Variants in CNTNAP2 observed in about 807,000 individuals in gnomAD.
CNTNAP2 encodes the protein contactin associated protein 2, also known as contactin-associated protein-like 2.
CNTNAP2 carries 98 observed loss-of-function variants against 155.2 expected under a neutral mutation model. The ratio of observed to expected loss-of-function variants is 0.63; its 90% CI spans 0.54 to 0.75. The LOEUF (loss-of-function observed/expected upper bound fraction) is 0.75, where lower values mean the gene tolerates loss of function less well. CNTNAP2 is among the 30% of genes least tolerant of loss of function. The probability of loss-of-function intolerance (pLI) is 0.00; values close to 1 mark genes in which losing one functional copy is unlikely to be tolerated. For synonymous variants in CNTNAP2, 651 were observed against 631.2 expected, an observed-to-expected ratio of 1.03 and a Z score of -0.47; for missense variants, 1,727 against 1,688.1, an observed-to-expected ratio of 1.02 and a Z score of -0.40.
At chr7:147,599,625 A>G (rs1199802529) in intron 12 of CNTNAP2, among the ~76,000 whole-genome samples, 1 of 152,070 alleles carries the variant, frequency 6.6e-6, no homozygotes, top group East Asian at 1.9e-4. Context: ...GGGGAAAAAA[A>G]TCTTTCCTTG....
At chr7:146,648,503 C>G (rs1563171639) in intron 1 of CNTNAP2, among the ~76,000 whole-genome samples, 3 of 152,006 alleles carry the variant, frequency 2.0e-5, no homozygotes, top group Admixed American at 1.3e-4. Context: ...TGCAATACTT[C>G]TTTAAATGTT....
At chr7:148,199,415 G>T (rs1041433051) in intron 18 of CNTNAP2, among the ~76,000 whole-genome samples, 4 of 152,196 alleles carry the variant, frequency 2.6e-5, no homozygotes, top group Non-Finnish European at 4.4e-5. Flanking sequence ...TTGCTTAGGT[G>T]TATCCAGAGG....
Position 146,557,443 on chromosome 7 carries a change from T to C in CNTNAP2, c.98-216828T>C, listed in dbSNP as rs115708410. 3.9e-3 allele frequency among the ~76,000 whole-genome samples: 591 copies of C among 152,184 alleles called. 12 individuals are homozygous for C. The highest frequency in any genetic ancestry group is 0.014 in the African/African-American group (566 of 41,468). ...ATTCTCTAAGGTCTTTCCAGAAAAG[T>C]TGTGCCTTTATAATTAATTCTATTG... On this transcript the variant is annotated intron_variant, in intron 1 of 23. Transcript: ENST00000361727.
intron 1 of CNTNAP2, among the ~76,000 whole-genome samples, chr7:146,145,101 A>G (rs1251114664): frequency 6.6e-6 from 1 of 152,200 alleles, no homozygotes; most frequent in East Asian, 1.9e-4. Flanking sequence ...TAAATATACA[A>G]AATGTGATCC....
intron 9 of CNTNAP2, among the ~76,000 whole-genome samples, chr7:147,377,586 A>G (rs1187640879): frequency 1.3e-5 from 2 of 151,702 alleles, no homozygotes; most frequent in Non-Finnish European, 2.9e-5. Flanking sequence ...TGTTGGTACT[A>G]AGGTGCTTCT....
In CNTNAP2 at chr7:146,371,365, G is replaced by GTTTTTT. The variant is rs58066282; in HGVS notation, c.97+254408_97+254413dup. 7.2e-3 allele frequency among the ~76,000 whole-genome samples: 706 copies of GTTTTTT among 98,520 alleles called. 63 individuals carry two copies. Among genetic ancestry groups the GTTTTTT allele is most frequent in the African/African-American group, 0.026 (575 of 22,310 alleles). The allele number at this position is 98,520 out of a possible 152,430, so 64.6% of individuals were successfully genotyped here. A position where few individuals can be genotyped will look rare whatever the true frequency, so the allele number is the denominator to read the frequency against. On this transcript the variant is annotated intron_variant, in intron 1 of 23. Coordinates refer to ENST00000361727, the MANE Select transcript of CNTNAP2 (RefSeq NM_014141.6). Reference sequence around the variant, plus strand: ...TGCAATATAATATATGCCAGTATTAGTTTTTTTTTTTTTTTTTTTTTGAGA... The same window carrying GTTTTTT: ...TGCAATATAATATATGCCAGTATTAGTTTTTTTTTTTTTTTTTTTTTTTTTTTGAGA...
chr7:146,617,738 A>G (rs190811618), intron 1 of CNTNAP2, among the ~76,000 whole-genome samples: 1 of 152,332 alleles, frequency 6.6e-6, no homozygotes, highest in East Asian at 1.9e-4. Flanking sequence ...TTGAAACAGT[A>G]ATAGTGACTA....
chr7:146,701,696 A>C (rs1044324102), intron 1 of CNTNAP2, among the ~76,000 whole-genome samples: 2 of 152,076 alleles, frequency 1.3e-5, no homozygotes, highest in Non-Finnish European at 2.9e-5. Context: ...ATTGTATCTG[A>C]AGAATTAATA....
intron 1 of CNTNAP2, among the ~76,000 whole-genome samples, chr7:146,352,750 G>GTTGTTGT (rs1554421455): frequency 1.6e-5 from 1 of 64,338 alleles, no homozygotes; most frequent in African/African-American, 6.4e-5. Context: ...GCATAATTCT[G>GTTGTTGT]TTTTTTTTTT....
intron 1 of CNTNAP2, among the ~76,000 whole-genome samples, chr7:146,506,072 G>A (rs1261544970): frequency 2.6e-5 from 4 of 152,200 alleles, no homozygotes; most frequent in African/African-American, 4.8e-5. Context: ...CCAGGAAAAT[G>A]TGTTCCCCTA....
chr7:147,272,664 A>ATTTTTTTTTTTTTTTTTTTTTTTTTTTTT (rs71182188), intron 8 of CNTNAP2, among the ~76,000 whole-genome samples: 1 of 138,978 alleles, frequency 7.2e-6, no homozygotes. Flanking sequence ...CGCCCGGCTA[A>ATTTTTTTTTTTTTTTTTTTTTTTTTTTTT]TTTTTTTTTT....
At chr7:147,721,274 C>T (rs955709121) in intron 13 of CNTNAP2, among the ~76,000 whole-genome samples, 1 of 151,930 alleles carries the variant, frequency 6.6e-6, no homozygotes, top group African/African-American at 2.4e-5. Context: ...AGTAATGTTA[C>T]AGTATGTTTG....
chr7:147,266,077 C>T (rs1402806338), intron 8 of CNTNAP2, among the ~76,000 whole-genome samples: 1 of 152,142 alleles, frequency 6.6e-6, no homozygotes, highest in Non-Finnish European at 1.5e-5. Context: ...GGCCAGAGTG[C>T]CTCTTCTCCA....
At chr7:147,584,735 T>A (rs1380834791) in intron 12 of CNTNAP2, among the ~76,000 whole-genome samples, 2 of 152,232 alleles carry the variant, frequency 1.3e-5, no homozygotes, top group Non-Finnish European at 2.9e-5. Flanking sequence ...TCTTGCCTCT[T>A]CCTCTCTGAT....
chr7:147,337,405 A>T (rs139368295), intron 9 of CNTNAP2, among the ~76,000 whole-genome samples: 126 of 152,276 alleles, frequency 8.3e-4, no homozygotes, highest in African/African-American at 3.0e-3. Flanking sequence ...CAATGGGAAC[A>T]GAGTTCCAGC....
intron 8 of CNTNAP2, among the ~76,000 whole-genome samples, chr7:147,140,826 G>A (rs570193269): frequency 6.6e-6 from 1 of 152,244 alleles, no homozygotes; most frequent in South Asian, 2.1e-4. Context: ...TAGGAAAGGA[G>A]AGCCTCTGGA....
intron 13 of CNTNAP2, among the ~76,000 whole-genome samples, chr7:147,768,176 A>G (rs1420183122): frequency 6.6e-6 from 1 of 152,182 alleles, no homozygotes; most frequent in African/African-American, 2.4e-5. Context: ...TGAAGATCAC[A>G]GAAAAATTTG....
intron 8 of CNTNAP2, among the ~76,000 whole-genome samples, chr7:147,179,388 G>A (rs1802411710): frequency 1.3e-5 from 2 of 152,132 alleles, no homozygotes; most frequent in Non-Finnish European, 2.9e-5. Context: ...CAAGCCTACA[G>A]AATTAGAAGC....
chr7:146,526,231 T>A (rs1285245377), intron 1 of CNTNAP2, among the ~76,000 whole-genome samples: 1 of 152,192 alleles, frequency 6.6e-6, no homozygotes, highest in Non-Finnish European at 1.5e-5. Context: ...TATTTGATGA[T>A]GTGCAGTACT....
Sources: allele counts gnomAD v4.1 joint callset (sites outside exome capture counted in the v4.1 genomes callset), GRCh38; gene constraint gnomAD v4.1.1; transcripts MANE v1.5; gene names NCBI Gene and HGNC (gene_info 2026-07-23, HGNC 2026-07-21).